USP42: variants seen among roughly 807,000 people sequenced by gnomAD.
USP42 encodes ubiquitin specific peptidase 42, also known as ubiquitin carboxyl-terminal hydrolase 42.
In USP42, 23 loss-of-function variants were observed where a neutral mutation model predicts 113.0. That is an observed-to-expected ratio of 0.20 (90% CI 0.15 to 0.29). The LOEUF (loss-of-function observed/expected upper bound fraction) is 0.29, where lower values mean the gene tolerates loss of function less well. Ranked by LOEUF, USP42 falls within the 10% of genes least tolerant of loss-of-function variation. The probability of loss-of-function intolerance (pLI) is 1.00; values close to 1 mark genes in which losing one functional copy is unlikely to be tolerated. For synonymous variants in USP42, 933 were observed against 699.0 expected (o/e 1.33, Z -5.28); for missense variants, 2,174 against 1,779.8 (o/e 1.22, Z -3.99).
rs552718436 is a variant in USP42, at chr7:6,105,716, C to T, written c.-10+684C>T. Among the ~76,000 whole-genome samples the T allele has an allele frequency of 4.6e-4, 70 of 152,286 alleles. 1 individual carries two copies. The highest frequency in any genetic ancestry group is 1.6e-3 in the African/African-American group (66 of 41,572). ...CCCAAAAGCATGTGTGCCTCTCTAG[C>T]GTTTTTTATTTTCGGGGCAGGAAGA... On this transcript the variant is annotated intron_variant, in intron 1 of 17. Coordinates refer to ENST00000306177, the MANE Select transcript of USP42 (RefSeq NM_032172.3).
Position 6,154,141 on chromosome 7 carries a change from T to A in USP42, c.2587T>A (p.Ser863Thr). 6 of 1,596,524 alleles carry A rather than the reference T, an allele frequency of 3.8e-6. No homozygotes were observed. The highest frequency in any genetic ancestry group is 5.1e-6 in the Non-Finnish European group (6 of 1,172,918). The part of the protein sequence containing the change: ...EGLSPAPPAR[S>T]EEPCEQPLLV... The stretch of plus-strand genomic sequence containing the variant: ...GTTGAGTCCGGCTCCGCCTGCGCGG[T>A]CGGAGGAGCCCTGCGAGCAGCCACT... The change falls in exon 15 of 18, where the codon TCG becomes ACG. Residue 863 changes from serine to threonine, a missense_variant. Ser to Thr is a moderately conservative substitution (Grantham distance 58, BLOSUM62 1). Transcript: ENST00000306177.
chr7:6,133,052 T>C (rs1780938124), intron 3 of USP42, among the ~76,000 whole-genome samples: 1 of 152,224 alleles, frequency 6.6e-6, no homozygotes, highest in Non-Finnish European at 1.5e-5. Context: ...TTTCTTCATG[T>C]TTCTACTCCT....
intron 1 of USP42, among the ~76,000 whole-genome samples, chr7:6,105,577 C>T (rs895494856): frequency 5.3e-5 from 8 of 151,996 alleles, no homozygotes; most frequent in East Asian, 1.9e-4. Context: ...GTTTTCCCAC[C>T]TTGGGCGCCC....
chr7:6,093,453 C>G, the USP42 span, among the ~76,000 whole-genome samples: 1 of 150,444 alleles, frequency 6.6e-6, no homozygotes. Context: ...GCTCGGGTAA[C>G]TTTTGTATTT....
At chr7:6,153,314 A>G (rs976099072) in intron 14 of USP42, among the ~76,000 whole-genome samples, 1 of 151,792 alleles carries the variant, frequency 6.6e-6, no homozygotes, top group Non-Finnish European at 1.5e-5. Context: ...AAAAAAAAAA[A>G]TAGAGGAATT....
chr7:6,081,326 C>A, the USP42 span: 3 of 139,044 alleles, frequency 2.2e-5, no homozygotes, highest in African/African-American at 8.2e-5. Flanking sequence ...CCTAGATCCC[C>A]ACCGGTCCCC....
At chr7:6,082,353 C>G in the USP42 span, among the ~76,000 whole-genome samples, 1 of 152,040 alleles carries the variant, frequency 6.6e-6, no homozygotes, top group Non-Finnish European at 1.5e-5. Context: ...TGGTCTCGAT[C>G]TCCTGACCTC....
rs368427289 is a variant in USP42, at chr7:6,157,008, G to A, written c.3896G>A (p.Arg1299Gln). 36 of 1,613,068 alleles carry A rather than the reference G, an allele frequency of 2.2e-5. No homozygotes were observed. The highest frequency in any genetic ancestry group is 4.5e-5 in the East Asian group (2 of 44,890). The stretch of plus-strand genomic sequence containing the variant: ...TTCCGTGAGAAAACGAAACACTTAC[G>A]GATGGAAAGCAGGGATGACAGGTGT... ...GPFREKTKHL[R>Q]MESRDDRCRL... The change falls in exon 16 of 18, where the codon CGG becomes CAG. Residue 1299 changes from arginine to glutamine, a missense_variant. Transcript: ENST00000306177. This position sits in a 1 kb window ranked among gnomAD's most constrained non-coding sequence, Gnocchi z 4.1.
chr7:6,122,279 G>GT lies in USP42; in HGVS notation c.442+6775dup, dbSNP rs55777900. Among the ~76,000 whole-genome samples, 1,145 of 133,498 alleles carry GT rather than the reference G, an allele frequency of 8.6e-3. 3 individuals carry two copies. Among genetic ancestry groups the GT allele is most frequent in the Non-Finnish European group, 0.011 (662 of 62,130 alleles). The allele number at this position is 133,498 out of a possible 152,430, so 87.6% of individuals were successfully genotyped here. ...AGATATGTTGATATGTCATGTGTCA[G>GT]TTTTTTTTTTTTTTTTTTTAAAGAC... On this transcript the variant is annotated intron_variant, in intron 3 of 17. Coordinates refer to ENST00000306177, the MANE Select transcript of USP42 (RefSeq NM_032172.3).
the USP42 span, among the ~76,000 whole-genome samples, chr7:6,081,508 A>G: frequency 6.6e-6 from 1 of 152,116 alleles, no homozygotes; most frequent in Non-Finnish European, 1.5e-5. Context: ...CCCCGGAAGT[A>G]GCCCTTCTCC....
chr7:6,154,558 C>T lies in USP42; in HGVS notation c.3004C>T (p.His1002Tyr). The T allele has an allele frequency of 6.4e-7, 1 of 1,551,116 alleles. No homozygotes were observed. Among genetic ancestry groups the T allele is most frequent in the South Asian group, 1.2e-5 (1 of 84,134 alleles). The change falls in exon 15 of 18, where the codon CAC becomes TAC. Residue 1002 changes from histidine to tyrosine, a missense_variant. By Grantham distance (83) the His-to-Tyr change is moderately conservative. Transcript: ENST00000306177. The stretch of plus-strand genomic sequence containing the variant: ...CCACGCCCCGGAGCACCACCCCGGC[C>T]ACGGCGACAGGCTCAGCCCTGGCGA... ...DRHAPEHHPG[H>Y]GDRLSPGERR... is the part of the protein sequence containing the mutation.
At chr7:6,084,461 A>G in the USP42 span, 1 of 151,466 alleles carries the variant, frequency 6.6e-6, no homozygotes, top group East Asian at 1.9e-4. Flanking sequence ...ACACTAAAGG[A>G]CATCACTCTG....
At chr7:6,134,333 G>C (rs1178131169) in intron 3 of USP42, among the ~76,000 whole-genome samples, 1 of 151,876 alleles carries the variant, frequency 6.6e-6, no homozygotes, top group Non-Finnish European at 1.5e-5. Flanking sequence ...TTTTCTCCTT[G>C]TTACCGGTCA....
rs1344151584 is a variant in USP42 at position 6,156,954 on chromosome 7, G to C, written c.3842G>C (p.Gly1281Ala). ...RRAQGGFPLS[G>A]GPPLEGVGPF... Reference sequence around the variant, plus strand: ...GCCCAGGGTGGCTTTCCTCTCTCTGGTGGCCCGCCTCTGGAAGGCGTCGGA... The same window carrying C: ...GCCCAGGGTGGCTTTCCTCTCTCTGCTGGCCCGCCTCTGGAAGGCGTCGGA... The change falls in exon 16 of 18, where the codon GGT (glycine) becomes GCT (alanine). Residue 1281 changes from glycine (G) to alanine (A), a missense_variant. Physicochemically the swap from Gly to Ala is moderately conservative, Grantham distance 60 (BLOSUM62 0). Transcript: ENST00000306177. 1 of 1,613,790 alleles carries C rather than the reference G, an allele frequency of 6.2e-7. No homozygotes were observed.
chr7:6,127,225 T>C (rs1780590374), intron 3 of USP42, among the ~76,000 whole-genome samples: 1 of 152,212 alleles, frequency 6.6e-6, no homozygotes, highest in Admixed American at 6.6e-5. Context: ...TCCAAATGTT[T>C]TCTCCCCATC....
intron 3 of USP42, among the ~76,000 whole-genome samples, chr7:6,121,222 C>T (rs1039270222): frequency 9.9e-5 from 15 of 152,056 alleles, no homozygotes; most frequent in South Asian, 8.3e-4. Context: ...ATGTCTCTTT[C>T]TCAGCCTTAG....
chr7:6,118,634 A>AATT (rs1780043160), intron 3 of USP42, among the ~76,000 whole-genome samples: 9 of 151,546 alleles, frequency 5.9e-5, no homozygotes, highest in Admixed American at 5.9e-4. Flanking sequence ...TTTTTGGGTC[A>AATT]GTGGTCCATT....
rs1489244873 is a variant in USP42, at chr7:6,127,633, G to A, written c.443-8208G>A. Among the ~76,000 whole-genome samples the A allele has an allele frequency of 5.3e-5, 8 of 152,056 alleles. No individual in the cohort carries two copies. The East Asian group carries it at 1.2e-3, about 22-fold the overall frequency. On this transcript the variant is annotated intron_variant, in intron 3 of 17. Coordinates refer to ENST00000306177, the MANE Select transcript of USP42 (RefSeq NM_032172.3). ...CAGGTTTCTGTTCTGTTGTGATGAT[G>A]TATGTGTCCACCACTCTACACAAGT... is the stretch of plus-strand genomic sequence containing the variant.
intron 7 of USP42, among the ~76,000 whole-genome samples, chr7:6,142,585 A>G (rs1014506406): frequency 6.6e-6 from 1 of 152,098 alleles, no homozygotes; most frequent in Admixed American, 6.6e-5. Context: ...TCCTTCTTTT[A>G]AAAAATAAGG....
Sources: gnomAD v4.1 joint callset for allele counts (sites outside exome capture counted in the v4.1 genomes callset) on GRCh38, gnomAD v4.1.1 for gene constraint, Gnocchi (gnomAD v3.1) non-coding constraint, MANE v1.5 for transcripts, NCBI Gene and HGNC (gene_info 2026-07-23, HGNC 2026-07-21) for gene names.